SYN2: variants seen among roughly 807,000 people sequenced by gnomAD.
SYN2 encodes the protein synapsin II.
SYN2 carries 19 observed loss-of-function variants against 50.9 expected under a neutral mutation model. The ratio of observed to expected loss-of-function variants is 0.37; its 90% CI spans 0.26 to 0.55. The LOEUF is 0.55. Ranked by LOEUF, SYN2 falls within the 20% of genes least tolerant of loss-of-function variation. The pLI, the probability that SYN2 is intolerant of heterozygous loss-of-function variation, is 0.81. For missense variants in SYN2, 587 were observed against 576.4 expected (o/e 1.02, Z -0.19); for synonymous variants, 255 against 224.9 (o/e 1.13, Z -1.20).
At chr3:12,086,410 C>G (rs1695702975) in intron 1 of SYN2, among the ~76,000 whole-genome samples, 1 of 152,046 alleles carries the variant, frequency 6.6e-6, no homozygotes, top group Non-Finnish European at 1.5e-5. Context: ...AAGGACACTA[C>G]AAAGAAACAA....
chr3:12,027,849 G>T (rs556176506), intron 1 of SYN2, among the ~76,000 whole-genome samples: 1 of 152,004 alleles, frequency 6.6e-6, no homozygotes, highest in East Asian at 1.9e-4. Flanking sequence ...TTAGAGGGAG[G>T]ACCTTAGGCA....
Position 12,190,472 on chromosome 3 carries a change from C to G in SYN2, c.1614-18C>G. The G allele has an allele frequency of 1.2e-6, 2 of 1,613,618 alleles. No homozygotes were observed. Among genetic ancestry groups the G allele is most frequent in the Non-Finnish European group, 1.7e-6 (2 of 1,179,752 alleles). ...GGAACACCACCCTCTCACATTCTCT[C>G]TGGTTTTTATCTTCAAGCAAGTCGC... On this transcript the variant is annotated intron_variant, in intron 12 of 12. Coordinates refer to ENST00000621198, the MANE Select transcript of SYN2 (RefSeq NM_133625.6).
At chr3:12,189,925 G>A (rs1228552337) in intron 12 of SYN2, among the ~76,000 whole-genome samples, 1 of 152,210 alleles carries the variant, frequency 6.6e-6, no homozygotes, top group East Asian at 1.9e-4. Context: ...AAAGTGCCTA[G>A]AGATCTTCAT....
At chr3:12,187,230 GCCCTTCA>G (rs1698359389) in intron 11 of SYN2, 132 bp from the exon 12 acceptor site, 1 of 1,250,052 alleles carries the variant, frequency 8.0e-7, no homozygotes, top group African/African-American at 1.5e-5. Context: ...CCCCTTTAGG[GCCCTTCA>G]GAGACTCCAG....
intron 1 of SYN2, among the ~76,000 whole-genome samples, chr3:12,099,217 C>T (rs572855721): frequency 6.6e-6 from 1 of 152,210 alleles, no homozygotes; most frequent in East Asian, 1.9e-4. Context: ...CCAACTAGAC[C>T]TAAGAAATAT....
intron 1 of SYN2, among the ~76,000 whole-genome samples, chr3:12,092,368 C>T (rs1695848387): frequency 6.6e-6 from 1 of 152,146 alleles, no homozygotes; most frequent in Non-Finnish European, 1.5e-5. Context: ...TCATTGCTTT[C>T]CACGAGCTCA....
chr3:12,052,045 G>T (rs1358808858), intron 1 of SYN2, among the ~76,000 whole-genome samples: 1 of 152,022 alleles, frequency 6.6e-6, no homozygotes, highest in South Asian at 2.1e-4. Flanking sequence ...AAATGTTTTG[G>T]TTTTAGAGCA....
intron 1 of SYN2, among the ~76,000 whole-genome samples, chr3:12,085,141 GACTC>G (rs1695666458): frequency 6.6e-6 from 1 of 150,820 alleles, no homozygotes; most frequent in African/African-American, 2.4e-5. Context: ...GCCTACAAGA[GACTC>G]ACTTCACTGT....
chr3:12,038,364 C>T (rs966866826), intron 1 of SYN2, among the ~76,000 whole-genome samples: 2 of 151,938 alleles, frequency 1.3e-5, no homozygotes, highest in Non-Finnish European at 2.9e-5. Flanking sequence ...AGTCATCTAA[C>T]TTTGTTGTTT....
At chr3:12,135,128 G>A in intron 1 of SYN2, among the ~76,000 whole-genome samples, 1 of 152,204 alleles carries the variant, frequency 6.6e-6, no homozygotes, top group Non-Finnish European at 1.5e-5. Flanking sequence ...AGCAGCTGGA[G>A]GGATACCCCT....
intron 1 of SYN2, among the ~76,000 whole-genome samples, chr3:12,048,949 G>A (rs753475394): frequency 4.6e-5 from 7 of 152,134 alleles, no homozygotes; most frequent in Non-Finnish European, 1.0e-4. Context: ...GACCTAAACC[G>A]TGGGAACCTA....
chr3:12,143,252 G>T (rs1294552695), intron 3 of SYN2, among the ~76,000 whole-genome samples: 2 of 152,134 alleles, frequency 1.3e-5, no homozygotes, highest in African/African-American at 4.8e-5. Flanking sequence ...GACACAAGAA[G>T]GTCAGAGCAG....
At chr3:12,048,132 C>G (rs1372964875) in intron 1 of SYN2, among the ~76,000 whole-genome samples, 1 of 152,086 alleles carries the variant, frequency 6.6e-6, no homozygotes, top group East Asian at 1.9e-4. Context: ...TGAGACAATT[C>G]GTGTTTGCTA....
chr3:12,057,287 C>CTGTCTGTG (rs71044259), intron 1 of SYN2, among the ~76,000 whole-genome samples: 8,809 of 133,888 alleles, frequency 0.066, 347 homozygotes, highest in East Asian at 0.098. Flanking sequence ...GCAAGACTGT[C>CTGTCTGTG]TGTGTGTGTG....
intron 1 of SYN2, among the ~76,000 whole-genome samples, chr3:12,092,186 G>T (rs1430390749): frequency 1.3e-5 from 2 of 152,144 alleles, no homozygotes; most frequent in African/African-American, 4.8e-5. Context: ...TAGACTGTAT[G>T]TGAGGAAATA....
rs1376314464 is a variant in SYN2, at chr3:12,137,937, AT to A, written c.378-2709del. ...GATTGGTTTAACCACATGATATACT[AT>A]TTTTAAAAAATTTAAGCCTCCCTAA... is the stretch of plus-strand genomic sequence containing the variant. On this transcript the variant is annotated intron_variant, in intron 1 of 12. Transcript: ENST00000621198. Among the ~76,000 whole-genome samples, 8 of 152,286 alleles carry A rather than the reference AT, an allele frequency of 5.3e-5. No individual in the cohort carries two copies. In the South Asian group the frequency reaches 1.7e-3, roughly 32 times the overall value.
At chr3:12,128,205 C>T (rs1312401080) in intron 1 of SYN2, among the ~76,000 whole-genome samples, 3 of 152,100 alleles carry the variant, frequency 2.0e-5, no homozygotes, top group African/African-American at 7.2e-5. Flanking sequence ...TCAGTCTCCA[C>T]AAGTGCTGGG....
At chr3:12,184,218 T>C (rs1473070483) in intron 11 of SYN2, 1 of 985,744 alleles carries the variant, frequency 1.0e-6, no homozygotes, top group South Asian at 4.7e-5. Context: ...ATGAGATTTT[T>C]AAAAAATGGG....
At chr3:12,128,751 T>C (rs13064956) in intron 1 of SYN2, among the ~76,000 whole-genome samples, 27,516 of 152,110 alleles carry the variant, frequency 0.18, 3,196 homozygotes, top group African/African-American at 0.33. Context: ...GTTGAAATGC[T>C]CTCCATTTCA....
Sources: gnomAD v4.1 joint callset for allele counts (sites outside exome capture counted in the v4.1 genomes callset) on GRCh38, gnomAD v4.1.1 for gene constraint, MANE v1.5 for transcripts, NCBI Gene and HGNC (gene_info 2026-07-23, HGNC 2026-07-21) for gene names.